The following AKAP19 variants were observed in gnomAD, a reference collection of about 807,000 sequenced individuals.
AKAP19 encodes A-kinase anchoring protein 19.
the AKAP19 span, among the ~76,000 whole-genome samples, chr2:190,102,106 T>C: frequency 1.3e-5 from 2 of 152,024 alleles, no homozygotes; most frequent in Non-Finnish European, 2.9e-5. Context: ...GACTTTTGGG[T>C]AAACAAATTA....
chr2:190,055,255 C>T, the AKAP19 span, among the ~76,000 whole-genome samples: 4 of 146,376 alleles, frequency 2.7e-5, no homozygotes, highest in Admixed American at 1.4e-4. Context: ...CACATATTCT[C>T]ACTCATAGGT....
chr2:190,132,478 C>G, the AKAP19 span, among the ~76,000 whole-genome samples: 10 of 152,210 alleles, frequency 6.6e-5, no homozygotes, highest in Admixed American at 6.5e-4. Flanking sequence ...AATAAATCCA[C>G]GCTTTTACAG....
the AKAP19 span, chr2:190,059,946 A>G: frequency 9.2e-7 from 1 of 1,092,858 alleles, no homozygotes; most frequent in Non-Finnish European, 1.3e-6. Flanking sequence ...TTGGGGTAAG[A>G]TACCTTTGTC....
the AKAP19 span, among the ~76,000 whole-genome samples, chr2:190,185,648 G>A: frequency 6.6e-6 from 1 of 152,302 alleles, no homozygotes; most frequent in African/African-American, 2.4e-5. Context: ...TTGTGTATGT[G>A]TGTGGTTTTT....
the AKAP19 span, among the ~76,000 whole-genome samples, chr2:189,909,169 A>G: frequency 1.3e-5 from 2 of 151,874 alleles, no homozygotes; most frequent in African/African-American, 2.4e-5. Context: ...TGATAGTAGA[A>G]TAGTCACACT....
chr2:190,115,520 C>T, the AKAP19 span, among the ~76,000 whole-genome samples: 5 of 145,236 alleles, frequency 3.4e-5, no homozygotes, highest in Admixed American at 2.1e-4. Flanking sequence ...GGGGTTTCAC[C>T]GTTTTAGCTG....
chr2:189,942,296 A>G, the AKAP19 span, among the ~76,000 whole-genome samples: 1 of 152,096 alleles, frequency 6.6e-6, no homozygotes, highest in African/African-American at 2.4e-5. Flanking sequence ...CTCCTGTTTC[A>G]TTACGTGATA....
chr2:190,128,806 T>C, the AKAP19 span, among the ~76,000 whole-genome samples: 2 of 152,170 alleles, frequency 1.3e-5, no homozygotes, highest in East Asian at 1.9e-4. Flanking sequence ...TCTCTAATAG[T>C]ATAAAAACCT....
the AKAP19 span, among the ~76,000 whole-genome samples, chr2:190,032,791 G>T: frequency 1.3e-5 from 2 of 151,512 alleles, no homozygotes; most frequent in Admixed American, 1.3e-4. Context: ...ACATTAAGTT[G>T]CAGGTACCCA....
the AKAP19 span, among the ~76,000 whole-genome samples, chr2:189,936,329 A>G: frequency 6.6e-6 from 1 of 151,978 alleles, no homozygotes; most frequent in South Asian, 2.1e-4. Context: ...CATTATTGTT[A>G]TAACTGTAAA....
chr2:189,944,357 C>T, the AKAP19 span, among the ~76,000 whole-genome samples: 4 of 152,110 alleles, frequency 2.6e-5, no homozygotes, highest in South Asian at 2.1e-4. Context: ...TACCTGTTCC[C>T]GTTTGCCTTC....
At chr2:190,018,314 T>C in the AKAP19 span, among the ~76,000 whole-genome samples, 1 of 152,166 alleles carries the variant, frequency 6.6e-6, no homozygotes, top group Non-Finnish European at 1.5e-5. Context: ...TTATAATTTC[T>C]GTAAACTTTC....
the AKAP19 span, among the ~76,000 whole-genome samples, chr2:190,159,359 T>C: frequency 2.9e-4 from 44 of 152,326 alleles, no homozygotes; most frequent in South Asian, 8.5e-3. Flanking sequence ...CTTTGTATTC[T>C]CACCGTCTAT....
chr2:190,074,722 A>T, the AKAP19 span, among the ~76,000 whole-genome samples: 1 of 152,114 alleles, frequency 6.6e-6, no homozygotes, highest in Admixed American at 6.5e-5. Context: ...GAAGAGATAA[A>T]AGTGTCATTT....
the AKAP19 span, among the ~76,000 whole-genome samples, chr2:190,198,303 C>T: frequency 1.3e-5 from 2 of 152,086 alleles, no homozygotes; most frequent in African/African-American, 4.8e-5. Context: ...TAATTACAAA[C>T]TATTAAAAAA....
the AKAP19 span, among the ~76,000 whole-genome samples, chr2:190,118,365 A>T: frequency 2.6e-5 from 4 of 152,178 alleles, no homozygotes; most frequent in South Asian, 2.1e-4. Flanking sequence ...TAACTCATTT[A>T]ATGAGGCCAG....
At chr2:190,104,845 T>C in the AKAP19 span, among the ~76,000 whole-genome samples, 3 of 151,984 alleles carry the variant, frequency 2.0e-5, no homozygotes, top group Non-Finnish European at 4.4e-5. Context: ...AACAGACACG[T>C]CTCAAAAGAA....
the AKAP19 span, among the ~76,000 whole-genome samples, chr2:190,117,709 G>T: frequency 1.6e-4 from 25 of 152,292 alleles, no homozygotes; most frequent in East Asian, 3.9e-3. Context: ...AATAAACTTC[G>T]CTTGCATAAA....
At chr2:190,130,713 T>C in the AKAP19 span, among the ~76,000 whole-genome samples, 1 of 152,196 alleles carries the variant, frequency 6.6e-6, no homozygotes, top group Non-Finnish European at 1.5e-5. Flanking sequence ...TAGCTATCAG[T>C]TTATTCCTAT....
Sources: gnomAD v4.1 joint callset for allele counts (sites outside exome capture counted in the v4.1 genomes callset) on GRCh38, gnomAD v4.1.1 for gene constraint, MANE v1.5 for transcripts, NCBI Gene and HGNC (gene_info 2026-07-23, HGNC 2026-07-21) for gene names.